Variants in MAP3K2 observed in about 807,000 individuals in gnomAD.
The protein encoded by MAP3K2 is mitogen-activated protein kinase kinase kinase 2, also known as MAP/ERK kinase kinase 2.
MAP3K2 carries 24 observed loss-of-function variants against 80.3 expected under a neutral mutation model. The observed-to-expected ratio is 0.30, with a 90% confidence interval of 0.22 to 0.42. The LOEUF (loss-of-function observed/expected upper bound fraction) is 0.42, where lower values mean the gene tolerates loss of function less well. Ranked by LOEUF, MAP3K2 falls within the 10% of genes least tolerant of loss-of-function variation. The pLI, the probability that MAP3K2 is intolerant of heterozygous loss-of-function variation, is 1.00. For missense variants in MAP3K2, 608 were observed against 750.1 expected (o/e 0.81, Z 2.21); for synonymous variants, 244 against 253.7 (o/e 0.96, Z 0.36).
At chr2:127,334,156 CAGAAAAAAATTACAT>C (rs1686317525) in intron 5 of MAP3K2, among the ~76,000 whole-genome samples, 1 of 151,316 alleles carries the variant, frequency 6.6e-6, no homozygotes, top group South Asian at 2.1e-4. Context: ...AAGAAAACCC[CAGAAAAAAATTACAT>C]AGCAAACTGG....
chr2:127,341,722 T>A (rs529400005), intron 2 of MAP3K2, among the ~76,000 whole-genome samples: 2 of 151,500 alleles, frequency 1.3e-5, no homozygotes, highest in Non-Finnish European at 2.9e-5. Context: ...TTAGTAGAGA[T>A]GGGGTTTCAC....
At chr2:127,312,929 G>A (rs1468055290) in intron 15 of MAP3K2, among the ~76,000 whole-genome samples, 1 of 150,608 alleles carries the variant, frequency 6.6e-6, no homozygotes, top group East Asian at 2.0e-4. Flanking sequence ...TCTCCCCATT[G>A]CACTCCAGCC....
At chr2:127,387,398 G>GCGCGCGCGCACCAACACACACACACACA in intron 1 of MAP3K2, 54 bp downstream of exon 1, 1 of 189,654 alleles carries the variant, frequency 5.3e-6, no homozygotes, top group African/African-American at 2.9e-5. Context: ...ACACACGCGC[G>GCGCGCGCGCACCAACACACACACACACA]CACACACACA....
intron 15 of MAP3K2, among the ~76,000 whole-genome samples, chr2:127,309,482 C>T (rs1685770774): frequency 6.6e-6 from 1 of 152,260 alleles, no homozygotes; most frequent in African/African-American, 2.4e-5. Context: ...ACATTTGCCA[C>T]AATTAATAAA....
Position 127,308,680 on chromosome 2 carries a change from G to A in MAP3K2, c.1539C>T (p.Leu513=). 6.2e-7 allele frequency: 1 copy of A among 1,613,956 alleles called. No individual in the cohort carries two copies. The highest frequency in any genetic ancestry group is 8.5e-7 in the Non-Finnish European group (1 of 1,179,858). Reference sequence around the variant, plus strand: ...TGACAGACTTCATTCCTGTCCCTGAGAGACAGATGGTCTGAAGCCGTTTGC... The same window carrying A: ...TGACAGACTTCATTCCTGTCCCTGAAAGACAGATGGTCTGAAGCCGTTTGC... The part of the protein sequence containing the change: ...GASKRLQTIC[L]SGTGMKSVTG... The change falls in exon 16 of 17, where the codon CTC becomes CTT. Residue 513 remains leucine, a synonymous_variant. Transcript: ENST00000682094.
intron 15 of MAP3K2, among the ~76,000 whole-genome samples, chr2:127,312,669 AAAAC>A (rs1343775951): frequency 5.9e-5 from 9 of 152,100 alleles, no homozygotes; most frequent in Admixed American, 2.6e-4. Context: ...TCAAAATAAA[AAAAC>A]AAACAAAGGC....
At chr2:127,357,330 A>T (rs1226977706) in intron 1 of MAP3K2, among the ~76,000 whole-genome samples, 1 of 152,184 alleles carries the variant, frequency 6.6e-6, no homozygotes, top group Non-Finnish European at 1.5e-5. Context: ...CTACAAAAAA[A>T]TTAAAATTAT....
Position 127,303,018 on chromosome 2 carries a change from T to C in MAP3K2, c.*4561A>G, listed in dbSNP as rs762379922. 6.6e-6 allele frequency: 1 copy of C among 152,092 alleles called. No individual in the cohort carries two copies. 9.4% of individuals were successfully genotyped at this position (152,092 alleles called of 1,614,324 possible). ...CTACTGATTTTGGAAAAAATCTTCATTTTGGTGGGTAACTTGAATTATTAA... is the reference window on the plus strand; with the variant it reads ...CTACTGATTTTGGAAAAAATCTTCACTTTGGTGGGTAACTTGAATTATTAA... On this transcript the variant is annotated 3_prime_UTR_variant, in exon 17 of 17. Transcript: ENST00000682094.
Position 127,317,480 on chromosome 2 carries a change from T to C in MAP3K2, c.1326+149A>G, listed in dbSNP as rs979024229. The C allele has an allele frequency of 3.9e-5, 22 of 570,250 alleles. 1 individual carries two copies. Among genetic ancestry groups the C allele is most frequent in the South Asian group, 2.0e-4 (7 of 34,396 alleles). 35.3% of individuals were successfully genotyped at this position (570,250 alleles called of 1,614,324 possible). On this transcript the variant is annotated intron_variant, in intron 14 of 16. Transcript: ENST00000682094. ...AAAATACAAAGACAGAGGAAGAGGA[T>C]AGAAAATACTACTCAGCTCTAATTT...
chr2:127,308,006 C>T (rs1685735141), intron 16 of MAP3K2, among the ~76,000 whole-genome samples: 1 of 152,142 alleles, frequency 6.6e-6, no homozygotes, highest in African/African-American at 2.4e-5. Flanking sequence ...ATGACTATCA[C>T]TTAATTCAAA....
chr2:127,331,171 T>C (rs1052712019), intron 5 of MAP3K2, among the ~76,000 whole-genome samples: 13 of 152,146 alleles, frequency 8.5e-5, no homozygotes, highest in African/African-American at 2.9e-4. Context: ...GCAGATGTTA[T>C]AGAGGACAAA....
chr2:127,387,698 C>A lies in MAP3K2; in HGVS notation c.-312G>T. 2 of 985,260 alleles carry A rather than the reference C, an allele frequency of 2.0e-6. No individual in the cohort carries two copies. Among genetic ancestry groups the A allele is most frequent in the Non-Finnish European group, 2.4e-6 (2 of 829,910 alleles). The allele number at this position is 985,260 out of a possible 1,614,324, so 61.0% of individuals were successfully genotyped here. A position where few individuals can be genotyped will look rare whatever the true frequency, so the allele number is the denominator to read the frequency against. On this transcript the variant is annotated 5_prime_UTR_variant, in exon 1 of 17. Transcript: ENST00000682094. Reference sequence around the variant, plus strand: ...CGTGAATCCTCGCAGCCGGCCGGGTCCTCCTGGCGCTCCTCGGCACTTCTA... The same window carrying A: ...CGTGAATCCTCGCAGCCGGCCGGGTACTCCTGGCGCTCCTCGGCACTTCTA...
intron 15 of MAP3K2, among the ~76,000 whole-genome samples, chr2:127,312,886 C>G (rs1189675418): frequency 1.3e-5 from 2 of 151,572 alleles, no homozygotes; most frequent in Non-Finnish European, 2.9e-5. Flanking sequence ...CACTTGAACC[C>G]AGGGTGGGGG....
rs1358851807 is a variant in MAP3K2 at position 127,308,656 on chromosome 2, G to A, written c.1563C>T (p.Val521=). Residue 521 remains valine, a synonymous_variant, in exon 16 of 17, where the codon GTC becomes GTT. Coordinates refer to ENST00000682094, the MANE Select transcript of MAP3K2 (RefSeq NM_001371910.2). ...ICLSGTGMKS[V]TGTPYWMSPE... ...GGCTCATCCAGTATGGTGTGCCCGTGACAGACTTCATTCCTGTCCCTGAGA... is the reference window on the plus strand; with the variant it reads ...GGCTCATCCAGTATGGTGTGCCCGTAACAGACTTCATTCCTGTCCCTGAGA... 6.2e-7 allele frequency: 1 copy of A among 1,613,796 alleles called. No homozygotes were observed. The highest frequency in any genetic ancestry group is 8.5e-7 in the Non-Finnish European group (1 of 1,179,854).
At chr2:127,353,713 TG>T (rs1227581430) in intron 1 of MAP3K2, among the ~76,000 whole-genome samples, 1 of 151,418 alleles carries the variant, frequency 6.6e-6, no homozygotes, top group Non-Finnish European at 1.5e-5. Context: ...GGAGCCCCTC[TG>T]CCCGGCCACC....
intron 1 of MAP3K2, among the ~76,000 whole-genome samples, chr2:127,354,383 A>G (rs917016044): frequency 2.0e-5 from 3 of 152,170 alleles, no homozygotes; most frequent in South Asian, 2.1e-4. Context: ...ACAGCCAAAT[A>G]TACTTCCTGA....
intron 14 of MAP3K2, chr2:127,316,855 AAAC>A (rs1159796522): frequency 6.6e-6 from 1 of 152,252 alleles, no homozygotes; most frequent in African/African-American, 2.4e-5. Context: ...AGGGATAAAG[AAAC>A]AAATTAAAAT....
chr2:127,346,966 G>A (rs938273336), intron 1 of MAP3K2, among the ~76,000 whole-genome samples: 1 of 151,934 alleles, frequency 6.6e-6, no homozygotes, highest in Admixed American at 6.6e-5. Context: ...ACTCTAGCCC[G>A]CGCGACAGAG....
intron 14 of MAP3K2, 59 bp from the exon 15 acceptor site, chr2:127,314,942 TA>T: frequency 8.0e-7 from 1 of 1,256,338 alleles, no homozygotes; most frequent in Admixed American, 2.4e-5. Context: ...TGAAAACTGC[TA>T]TTAAATCTTT....
Sources: gnomAD v4.1 joint callset for allele counts (sites outside exome capture counted in the v4.1 genomes callset) on GRCh38, gnomAD v4.1.1 for gene constraint, MANE v1.5 for transcripts, NCBI Gene and HGNC (gene_info 2026-07-23, HGNC 2026-07-21) for gene names.